Variants in RASAL2 observed in about 807,000 individuals in gnomAD.
The protein encoded by RASAL2 is RAS protein activator like 2, also known as ras GTPase-activating protein nGAP.
Under a neutral mutation model 128.9 loss-of-function variants are expected in RASAL2, and 58 were observed. The observed-to-expected ratio is 0.45, with a 90% CI of 0.36 to 0.56. RASAL2 has a LOEUF of 0.56. Among genes scored for constraint, RASAL2 ranks in the 20% least tolerant of loss-of-function variants. The probability of loss-of-function intolerance (pLI) is 0.00; values close to 1 mark genes in which losing one functional copy is unlikely to be tolerated. For missense variants in RASAL2, 1,360 were observed against 1,601.6 expected (o/e 0.85, Z 2.57); for synonymous variants, 561 against 580.8 (o/e 0.97, Z 0.49).
intron 12 of RASAL2, among the ~76,000 whole-genome samples, chr1:178,455,943 CT>C (rs1677739939): frequency 6.6e-6 from 1 of 152,176 alleles, no homozygotes; most frequent in African/African-American, 2.4e-5. Context: ...TTCAGTTTTC[CT>C]GTGAAATGGG....
intron 1 of RASAL2, among the ~76,000 whole-genome samples, chr1:178,108,080 A>G (rs144762030): frequency 6.6e-6 from 1 of 152,288 alleles, no homozygotes; most frequent in East Asian, 1.9e-4. Context: ...CCAGCAATGC[A>G]CGAGGGTTCC....
intron 1 of RASAL2, among the ~76,000 whole-genome samples, chr1:178,252,491 TAAGAA>T (rs1665099542): frequency 6.6e-6 from 1 of 152,166 alleles, no homozygotes; most frequent in South Asian, 2.1e-4. Flanking sequence ...ATTTTGTTTT[TAAGAA>T]AAGAGTACTT....
At chr1:178,444,841 G>A (rs1676889957) in intron 8 of RASAL2, among the ~76,000 whole-genome samples, 2 of 152,146 alleles carry the variant, frequency 1.3e-5, no homozygotes, top group East Asian at 1.9e-4. Flanking sequence ...ACTGTTAGGT[G>A]CTGGAGATAT....
At chr1:178,372,169 C>T (rs1169688063) in intron 3 of RASAL2, 1 of 985,180 alleles carries the variant, frequency 1.0e-6, no homozygotes, top group Non-Finnish European at 1.2e-6. Flanking sequence ...AGAATTTAGT[C>T]TCTGTATCCT....
intron 1 of RASAL2, among the ~76,000 whole-genome samples, chr1:178,159,921 AAAC>A (rs1184305252): frequency 2.0e-5 from 3 of 151,722 alleles, no homozygotes; most frequent in Admixed American, 6.6e-5. Flanking sequence ...ACAAACAAAC[AAAC>A]AAAAAAAACT....
chr1:178,283,617 G>A lies in RASAL2; in HGVS notation c.256G>A (p.Glu86Lys), dbSNP rs371638409. ...RLSCGQSPYT[E>K]TTTWERKYCI... is the part of the protein sequence containing the mutation. ...GTCTTGTGGTCAGTCACCCTACACC[G>A]AGACAACAACGTGGGAGCGGAAGTA... The change falls in exon 2 of 18, where the codon GAG becomes AAG. Residue 86 changes from glutamate (E) to lysine (K), a missense_variant. Physicochemically the swap from Glu to Lys is moderately conservative, Grantham distance 56. Around this residue, in one of 3 missense-constraint regions of RASAL2, gnomAD observed 617 missense variants for 714.2 expected, o/e 0.86. Transcript: ENST00000367649. 25 of 1,613,872 alleles carry A rather than the reference G, an allele frequency of 1.5e-5. No homozygotes were observed. Among genetic ancestry groups the A allele is most frequent in the Admixed American group, 3.3e-5 (2 of 59,986 alleles).
chr1:178,288,642 C>CTTTT (rs60150701), intron 2 of RASAL2, among the ~76,000 whole-genome samples: 11 of 97,276 alleles, frequency 1.1e-4, no homozygotes, highest in South Asian at 3.4e-4. Context: ...CTTTCTCTCT[C>CTTTT]TTTTTTTTTT....
intron 1 of RASAL2, among the ~76,000 whole-genome samples, chr1:178,277,127 G>A (rs1380431575): frequency 5.1e-5 from 6 of 117,718 alleles, no homozygotes; most frequent in East Asian, 5.3e-4. Flanking sequence ...CAGCCTGGGC[G>A]ACAGAGTGAG....
At chr1:178,314,949 C>T (rs1668434773) in intron 3 of RASAL2, among the ~76,000 whole-genome samples, 1 of 128,282 alleles carries the variant, frequency 7.8e-6, no homozygotes, top group African/African-American at 2.9e-5. Flanking sequence ...CTCCCCCCAC[C>T]CCACCACAGT....
chr1:178,224,943 A>G (rs962661739), intron 1 of RASAL2, among the ~76,000 whole-genome samples: 5 of 152,158 alleles, frequency 3.3e-5, no homozygotes, highest in Non-Finnish European at 7.4e-5. Flanking sequence ...TAGTGCCACA[A>G]CTATGCTCTT....
At chr1:178,472,922 C>G (rs897506874) in intron 17 of RASAL2, among the ~76,000 whole-genome samples, 153 bp from the exon 18 acceptor site, 12 of 152,142 alleles carry the variant, frequency 7.9e-5, no homozygotes, top group African/African-American at 2.9e-4. Context: ...CTGAACCTGA[C>G]CAGTGTGCAG....
chr1:178,371,337 C>CAAACACACACACAAAT (rs1467984086), intron 3 of RASAL2, among the ~76,000 whole-genome samples: 1,475 of 140,908 alleles, frequency 0.01, 6 homozygotes, highest in Middle Eastern at 0.025. Flanking sequence ...CACACACACA[C>CAAACACACACACAAAT]ACACACACAC....
At chr1:178,285,593 C>T (rs1288877308) in intron 2 of RASAL2, among the ~76,000 whole-genome samples, 1 of 152,080 alleles carries the variant, frequency 6.6e-6, no homozygotes, top group Non-Finnish European at 1.5e-5. Flanking sequence ...TGAATAAAGG[C>T]CAGACTTTTC....
chr1:178,300,250 G>A, intron 3 of RASAL2, 132 bp downstream of exon 3: 2 of 1,046,830 alleles, frequency 1.9e-6, no homozygotes, highest in Admixed American at 3.0e-5. Flanking sequence ...CGTTAAGCGA[G>A]AGTTAGAGGT....
intron 17 of RASAL2, among the ~76,000 whole-genome samples, chr1:178,470,993 G>C (rs1040044742): frequency 5.3e-5 from 8 of 152,240 alleles, no homozygotes; most frequent in African/African-American, 1.9e-4. Context: ...GAAATACAAA[G>C]GGAGTTTCTT....
At chr1:178,372,400 C>G in intron 3 of RASAL2, 1 of 930,656 alleles carries the variant, frequency 1.1e-6, no homozygotes, top group Non-Finnish European at 1.3e-6. Flanking sequence ...ACCCCAAATT[C>G]TCTAAATCCA....
chr1:178,477,913 T>C lies in RASAL2; in HGVS notation c.*4674T>C, dbSNP rs1304503632. ...TCATTATTGATACCATGGGGAATCA[T>C]AGAAATAAAGTTGAATATCATTGAT... On this transcript the variant is annotated 3_prime_UTR_variant, in exon 18 of 18. Coordinates refer to ENST00000367649, the MANE Select transcript of RASAL2 (RefSeq NM_170692.4). 6.6e-6 allele frequency: 1 copy of C among 152,196 alleles called. No individual in the cohort carries two copies. The highest frequency in any genetic ancestry group is 2.4e-5 in the African/African-American group (1 of 41,442). The allele number at this position is 152,196 out of a possible 1,614,324, so 9.4% of individuals were successfully genotyped here.
At chr1:178,167,531 TG>T (rs1201876431) in intron 1 of RASAL2, among the ~76,000 whole-genome samples, 6 of 152,106 alleles carry the variant, frequency 3.9e-5, no homozygotes, top group African/African-American at 1.2e-4. Flanking sequence ...AAAATGGGTA[TG>T]GGGGTGTCTA....
intron 1 of RASAL2, among the ~76,000 whole-genome samples, chr1:178,197,101 T>C (rs950132988): frequency 6.6e-6 from 1 of 152,068 alleles, no homozygotes; most frequent in Non-Finnish European, 1.5e-5. Flanking sequence ...ATCACTTGAG[T>C]TCAGGAGTTA....
Sources: allele counts gnomAD v4.1 joint callset (sites outside exome capture counted in the v4.1 genomes callset), GRCh38; gene constraint gnomAD v4.1.1; regional missense constraint gnomAD v4.1.1; transcripts MANE v1.5; gene names NCBI Gene and HGNC (gene_info 2026-07-23, HGNC 2026-07-21).